The following ZMAT4 variants were observed in gnomAD, a reference collection of about 807,000 sequenced individuals.
ZMAT4 encodes zinc finger matrin-type protein 4.
A neutral mutation model predicts 28.7 loss-of-function variants in ZMAT4; 17 were observed. The observed-to-expected ratio is 0.59, with a 90% CI of 0.41 to 0.89. The LOEUF is 0.89. Ranked by LOEUF, ZMAT4 falls within the 40% of genes least tolerant of loss-of-function variation. The pLI is 0.00. For synonymous variants in ZMAT4, 117 were observed against 109.2 expected, an observed-to-expected ratio of 1.07 and a Z score of -0.44; for missense variants, 240 against 283.8, an observed-to-expected ratio of 0.85 and a Z score of 1.11.
chr8:40,756,457 T>TATATATATATAC (rs1278110013), intron 3 of ZMAT4, among the ~76,000 whole-genome samples: 35 of 113,296 alleles, frequency 3.1e-4, no homozygotes, highest in African/African-American at 1.0e-3. Context: ...TATATATATA[T>TATATATATATAC]ACACACTTGT....
intron 5 of ZMAT4, among the ~76,000 whole-genome samples, chr8:40,612,603 C>T (rs1475884200): frequency 7.3e-6 from 1 of 136,634 alleles, no homozygotes; most frequent in East Asian, 1.9e-4. Context: ...TATGTTTGTC[C>T]CGGTTTTCCT....
intron 5 of ZMAT4, among the ~76,000 whole-genome samples, chr8:40,618,564 A>G (rs1806093906): frequency 6.6e-6 from 1 of 152,150 alleles, no homozygotes; most frequent in East Asian, 1.9e-4. Context: ...ATCTTTTGAT[A>G]CCTTTAAATC....
chr8:40,659,505 G>C (rs764153532), intron 5 of ZMAT4, among the ~76,000 whole-genome samples: 31 of 152,176 alleles, frequency 2.0e-4, no homozygotes, highest in Non-Finnish European at 3.7e-4. Flanking sequence ...AAGTCCAGGG[G>C]TGGTCAAACA....
At chr8:40,614,671 A>G (rs1372997295) in intron 5 of ZMAT4, among the ~76,000 whole-genome samples, 1 of 152,200 alleles carries the variant, frequency 6.6e-6, no homozygotes, top group East Asian at 1.9e-4. Flanking sequence ...TCCCTTTACC[A>G]TTATGTAATG....
intron 4 of ZMAT4, among the ~76,000 whole-genome samples, chr8:40,676,243 G>A (rs1808903544): frequency 6.6e-6 from 1 of 152,018 alleles, no homozygotes; most frequent in Admixed American, 6.6e-5. Flanking sequence ...ACTTTCCCAA[G>A]GATCCTTTTC....
chr8:40,802,280 T>A (rs930112721), intron 2 of ZMAT4, among the ~76,000 whole-genome samples: 1 of 152,080 alleles, frequency 6.6e-6, no homozygotes, highest in Non-Finnish European at 1.5e-5. Context: ...AAGAAAGAAA[T>A]AAAACTATCC....
intron 1 of ZMAT4, among the ~76,000 whole-genome samples, chr8:40,863,495 C>T (rs1401552338): frequency 6.6e-6 from 1 of 152,156 alleles, no homozygotes; most frequent in African/African-American, 2.4e-5. Flanking sequence ...ACGGTGGTGC[C>T]TTTCACTGGG....
intron 1 of ZMAT4, among the ~76,000 whole-genome samples, chr8:40,827,982 T>C (rs1816134525): frequency 6.6e-6 from 1 of 152,248 alleles, no homozygotes; most frequent in African/African-American, 2.4e-5. Context: ...ATAACACTCT[T>C]CTATCTACTT....
chr8:40,554,940 A>G (rs1803483180), intron 6 of ZMAT4, among the ~76,000 whole-genome samples: 1 of 152,050 alleles, frequency 6.6e-6, no homozygotes, highest in Admixed American at 6.6e-5. Context: ...CCATTAATCA[A>G]TTTCTCTTAA....
intron 1 of ZMAT4, among the ~76,000 whole-genome samples, chr8:40,845,624 G>A (rs1218403182): frequency 6.6e-6 from 1 of 151,690 alleles, no homozygotes; most frequent in African/African-American, 2.4e-5. Context: ...GTTCAGGCAA[G>A]ATAGTCCTGA....
chr8:40,674,619 A>G, intron 5 of ZMAT4, 85 bp downstream of exon 5: 2 of 1,110,512 alleles, frequency 1.8e-6, no homozygotes, highest in East Asian at 4.8e-5. Flanking sequence ...TTAAAGCAAG[A>G]AGAAGAATCA....
chr8:40,737,678 T>C (rs1033189446), intron 3 of ZMAT4, among the ~76,000 whole-genome samples: 1 of 152,130 alleles, frequency 6.6e-6, no homozygotes, highest in African/African-American at 2.4e-5. Context: ...CTGCGTAAAC[T>C]TGCTCAAGGA....
At chr8:40,539,831 C>T (rs1414658125) in intron 6 of ZMAT4, among the ~76,000 whole-genome samples, 1 of 152,168 alleles carries the variant, frequency 6.6e-6, no homozygotes, top group Non-Finnish European at 1.5e-5. Flanking sequence ...ATAGCAGTAT[C>T]TTTGTAATTC....
At chr8:40,746,423 G>T (rs1349468991) in intron 3 of ZMAT4, among the ~76,000 whole-genome samples, 4 of 147,564 alleles carry the variant, frequency 2.7e-5, no homozygotes, top group African/African-American at 5.0e-5. Flanking sequence ...GAGTGCAATG[G>T]CGCAATCTCA....
At chr8:40,532,499 T>C (rs1802722697) in intron 6 of ZMAT4, among the ~76,000 whole-genome samples, 1 of 152,164 alleles carries the variant, frequency 6.6e-6, no homozygotes, top group African/African-American at 2.4e-5. Flanking sequence ...ACTAAATTCA[T>C]TCCAAATGTT....
chr8:40,573,010 A>G (rs147910441), intron 6 of ZMAT4, among the ~76,000 whole-genome samples: 1,644 of 152,272 alleles, frequency 0.011, 13 homozygotes, highest in Non-Finnish European at 0.017. Context: ...TTTCTAACCT[A>G]TAACCTGAAG....
intron 1 of ZMAT4, among the ~76,000 whole-genome samples, chr8:40,845,224 A>T (rs969224569): frequency 2.0e-5 from 3 of 152,186 alleles, no homozygotes; most frequent in Non-Finnish European, 4.4e-5. Context: ...AAGTGTGTGG[A>T]TGCCCTGGGT....
intron 5 of ZMAT4, among the ~76,000 whole-genome samples, chr8:40,582,675 C>A (rs2073823963): frequency 6.6e-6 from 1 of 152,174 alleles, no homozygotes; most frequent in Non-Finnish European, 1.5e-5. Context: ...GCTGGGATAG[C>A]TTTGCAACTT....
At chr8:40,876,184 C>T (rs1805049169) in intron 1 of ZMAT4, among the ~76,000 whole-genome samples, 1 of 152,170 alleles carries the variant, frequency 6.6e-6, no homozygotes, top group Non-Finnish European at 1.5e-5. Flanking sequence ...TCTGTCCCTG[C>T]CCCTCCTGAG....
Sources: gnomAD v4.1 joint callset for allele counts (sites outside exome capture counted in the v4.1 genomes callset) on GRCh38, gnomAD v4.1.1 for gene constraint, MANE v1.5 for transcripts, NCBI Gene and HGNC (gene_info 2026-07-23, HGNC 2026-07-21) for gene names.